FAM181B: variants seen among roughly 807,000 people sequenced by gnomAD.
FAM181B encodes family with sequence similarity 181 member B, also known as protein FAM181B.
Under a neutral mutation model 17.8 loss-of-function variants are expected in FAM181B, and 13 were observed. That is an observed-to-expected ratio of 0.73 (90% CI 0.48 to 1.16). The LOEUF (loss-of-function observed/expected upper bound fraction) is 1.16. Ranked by LOEUF, FAM181B falls within the 50% of genes most tolerant of loss-of-function variation. The pLI is 0.00. For synonymous variants in FAM181B, 338 were observed against 316.5 expected (o/e 1.07, Z -0.72); for missense variants, 725 against 634.1 (o/e 1.14, Z -1.54).
Position 82,732,429 on chromosome 11 carries a change from A to C in FAM181B, c.*20T>G, listed in dbSNP as rs778359483. On this transcript the variant is annotated 3_prime_UTR_variant, in exon 1 of 1. Transcript: ENST00000329203. Reference sequence around the variant, plus strand: ...GCGCTCTCCACAGCCGTCTCTAATGAAGGGAAGCGTGCCTCGAAGTCAGTC... The same window carrying C: ...GCGCTCTCCACAGCCGTCTCTAATGCAGGGAAGCGTGCCTCGAAGTCAGTC... 6.2e-7 allele frequency: 1 copy of C among 1,610,848 alleles called. No individual in the cohort carries two copies. The highest frequency in any genetic ancestry group is 8.5e-7 in the Non-Finnish European group (1 of 1,178,712).
chr11:82,732,369 G>T lies in FAM181B; in HGVS notation c.*80C>A. The T allele has an allele frequency of 1.5e-6, 2 of 1,333,768 alleles. No individual in the cohort carries two copies. Among genetic ancestry groups the T allele is most frequent in the Non-Finnish European group, 2.0e-6 (2 of 979,708 alleles). The allele number at this position is 1,333,768 out of a possible 1,614,324, so 82.6% of individuals were successfully genotyped here. A position where few individuals can be genotyped will look rare whatever the true frequency, so the allele number is the denominator to read the frequency against. ...TCATCTCCACGTGCATTTTCCCATC[G>T]TTCTTCAGATTTAGGAGAAACCCAC... On this transcript the variant is annotated 3_prime_UTR_variant, in exon 1 of 1. Coordinates refer to ENST00000329203, the MANE Select transcript of FAM181B (RefSeq NM_175885.4).
Position 82,733,599 on chromosome 11 carries a change from C to G in FAM181B, c.131G>C (p.Gly44Ala). Residue 44 changes from glycine (G) to alanine (A), a missense_variant, in exon 1 of 1, where the codon GGG (glycine) becomes GCG (alanine). Gly to Ala is a moderately conservative substitution (Grantham distance 60). Transcript: ENST00000329203. ...CGACAGCAGCGCACCCGCCGGAGCC[C>G]CGGTCTCATCGTCCTCGAAACAGCA... ...KGCCFEDDET[G>A]APAGALLSGA... The G allele has an allele frequency of 1.9e-6, 3 of 1,602,894 alleles. No homozygotes were observed. Among genetic ancestry groups the G allele is most frequent in the Non-Finnish European group, 2.5e-6 (3 of 1,178,690 alleles).
In FAM181B at chr11:82,732,576, G is replaced by A. The variant is rs765810867; in HGVS notation, c.1154C>T (p.Pro385Leu). The change falls in exon 1 of 1, where the codon CCG (proline) becomes CTG (leucine). Residue 385 changes from proline (P) to leucine (L), a missense_variant. By Grantham distance (98) the Pro-to-Leu change is moderately conservative. Coordinates refer to ENST00000329203, the MANE Select transcript of FAM181B (RefSeq NM_175885.4). ...PFFPDCALPP[P>L]PPPHQVSYDY... is the part of the protein sequence containing the mutation. Reference sequence around the variant, plus strand: ...GTAGGACACCTGATGGGGCGGCGGCGGCGGGGGCAGGGCGCAGTCTGGAAA... The same window carrying A: ...GTAGGACACCTGATGGGGCGGCGGCAGCGGGGGCAGGGCGCAGTCTGGAAA... 1.2e-6 allele frequency: 2 copies of A among 1,606,532 alleles called. No individual in the cohort carries two copies. Among genetic ancestry groups the A allele is most frequent in the East Asian group, 2.2e-5 (1 of 44,564 alleles).
chr11:82,732,483 C>T lies in FAM181B; in HGVS notation c.1247G>A (p.Gly416Glu), dbSNP rs763737041. 66 of 1,612,962 alleles carry T rather than the reference C, an allele frequency of 4.1e-5. No individual in the cohort carries two copies. The highest frequency in any genetic ancestry group is 5.5e-5 in the Non-Finnish European group (65 of 1,179,992). ...SLWRSDGVWEGAPGEEGAHRD is the reference protein window; with the variant it reads ...SLWRSDGVWEEAPGEEGAHRD ...GTGCGCCCCCTCCTCCCCCGGCGCC[C>T]CTTCCCAAACCCCGTCGGATCTCCA... The change falls in exon 1 of 1, where the codon GGG (glycine) becomes GAG (glutamate). Residue 416 changes from glycine (G) to glutamate (E), a missense_variant. Transcript: ENST00000329203.
In FAM181B at chr11:82,733,076, C is replaced by T; in HGVS notation, c.654G>A (p.Arg218=). The change falls in exon 1 of 1, where the codon AGG becomes AGA. Residue 218 remains arginine (R), a synonymous_variant. Coordinates refer to ENST00000329203, the MANE Select transcript of FAM181B (RefSeq NM_175885.4). The part of the protein sequence containing the change: ...PAGATAIPGA[R]KVPLRARNLP... ...GATTGCGTGCCCGCAGCGGGACCTT[C>T]CTGGCCCCTGGGATCGCCGTGGCCC... The T allele has an allele frequency of 6.6e-7, 1 of 1,512,846 alleles. No individual in the cohort carries two copies. Among genetic ancestry groups the T allele is most frequent in the Non-Finnish European group, 8.8e-7 (1 of 1,141,510 alleles). 93.7% of individuals were successfully genotyped at this position (1,512,846 alleles called of 1,614,324 possible).
chr11:82,733,004 C>CCCG lies in FAM181B; in HGVS notation c.723_725dup (p.Gly242dup), dbSNP rs1591002676. Reference sequence around the variant, plus strand: ...TCACGTCCGGCCCCGACGGGCCACACCCGCCGCCGCCTGCCCGGGACGGCT... The same window carrying CCCG: ...TCACGTCCGGCCCCGACGGGCCACACCCGCCGCCGCCGCCTGCCCGGGACGGCT... On this transcript the variant is annotated inframe_insertion, in exon 1 of 1. Coordinates refer to ENST00000329203, the MANE Select transcript of FAM181B (RefSeq NM_175885.4). The CCCG allele has an allele frequency of 3.9e-6, 6 of 1,548,606 alleles. 1 individual carries two copies. Among genetic ancestry groups the CCCG allele is most frequent in the East Asian group, 5.0e-5 (2 of 39,868 alleles).
At position 82,732,145 on chromosome 11, in the gene FAM181B, G is replaced by GCT; in HGVS notation, c.*302_*303dup. The GCT allele has an allele frequency of 2.3e-6, 1 of 429,304 alleles. No homozygotes were observed. The highest frequency in any genetic ancestry group is 4.1e-6 in the Non-Finnish European group (1 of 243,024). The allele number at this position is 429,304 out of a possible 1,614,324, so 26.6% of individuals were successfully genotyped here. A position where few individuals can be genotyped will look rare whatever the true frequency, so the allele number is the denominator to read the frequency against. On this transcript the variant is annotated 3_prime_UTR_variant, in exon 1 of 1. Transcript: ENST00000329203. ...AAGGGACAGGTGGCTACAGAAGCCAGCTCTTACCCCTTTTGCCGTCCCCAC... is the reference window on the plus strand; with the variant it reads ...AAGGGACAGGTGGCTACAGAAGCCAGCTCTCTTACCCCTTTTGCCGTCCCCAC...
Position 82,733,021 on chromosome 11 carries a change from G to A in FAM181B, c.709C>T (p.Arg237Trp). ...GGGCCACACCCGCCGCCGCCTGCCC[G>A]GGACGGCTCCGTGAAGAAGGACGGA... ...LPPSFFTEPS[R>W]AGGGGCGPSG... The change falls in exon 1 of 1, where the codon CGG (arginine) becomes TGG (tryptophan). Residue 237 changes from arginine (R) to tryptophan (W), a missense_variant. Coordinates refer to ENST00000329203, the MANE Select transcript of FAM181B (RefSeq NM_175885.4). 1.3e-6 allele frequency: 2 copies of A among 1,543,588 alleles called. No homozygotes were observed. The highest frequency in any genetic ancestry group is 2.4e-5 in the South Asian group (2 of 82,900).
Position 82,733,512 on chromosome 11 carries a change from G to C in FAM181B, c.218C>G (p.Ala73Gly). 2 of 1,609,000 alleles carry C rather than the reference G, an allele frequency of 1.2e-6. No individual in the cohort carries two copies. Among genetic ancestry groups the C allele is most frequent in the Non-Finnish European group, 1.7e-6 (2 of 1,178,866 alleles). The change falls in exon 1 of 1, where the codon GCG becomes GGG. Residue 73 changes from alanine (A) to glycine (G), a missense_variant. Physicochemically the swap from Ala to Gly is moderately conservative, Grantham distance 60. Transcript: ENST00000329203. ...TRDLLSFIDS[A>G]SSNIKLALDK... The stretch of plus-strand genomic sequence containing the variant: ...CAGCGCCAGCTTGATGTTGCTGGAC[G>C]CCGAGTCAATGAAGCTGAGTAGATC...
Position 82,732,365 on chromosome 11 carries a change from C to A in FAM181B, c.*84G>T, listed in dbSNP as rs1857140392. On this transcript the variant is annotated 3_prime_UTR_variant, in exon 1 of 1. Transcript: ENST00000329203. ...GGTTTCATCTCCACGTGCATTTTCC[C>A]ATCGTTCTTCAGATTTAGGAGAAAC... The A allele has an allele frequency of 1.5e-6, 2 of 1,303,544 alleles. No individual in the cohort carries two copies. The highest frequency in any genetic ancestry group is 1.4e-5 in the South Asian group (1 of 70,016). The allele number at this position is 1,303,544 out of a possible 1,614,324, so 80.7% of individuals were successfully genotyped here.
chr11:82,733,591 C>A lies in FAM181B; in HGVS notation c.139G>T (p.Ala47Ser), dbSNP rs755336409. ...CFEDDETGAPAGALLSGAEGG... is the reference protein window; with the variant it reads ...CFEDDETGAPSGALLSGAEGG... ...TCGGCTCCCGACAGCAGCGCACCCG[C>A]CGGAGCCCCGGTCTCATCGTCCTCG... is the stretch of plus-strand genomic sequence containing the variant. The change falls in exon 1 of 1, where the codon GCG becomes TCG. Residue 47 changes from alanine (A) to serine (S), a missense_variant. Transcript: ENST00000329203. 2 of 1,602,764 alleles carry A rather than the reference C, an allele frequency of 1.2e-6. No individual in the cohort carries two copies. Among genetic ancestry groups the A allele is most frequent in the Non-Finnish European group, 1.7e-6 (2 of 1,178,642 alleles).
Position 82,733,178 on chromosome 11 carries a change from A to AC in FAM181B, c.551dup (p.Glu185Ter). On this transcript the variant is annotated frameshift_variant, in exon 1 of 1. Coordinates refer to ENST00000329203, the MANE Select transcript of FAM181B (RefSeq NM_175885.4). LOFTEE classifies it high-confidence loss of function. ...GCCCGGCCGCCGGCGCAGCCACCTC[A>AC]CCCCCCGCCGGCTCGGCACCCCCGG... 4 of 1,362,676 alleles carry AC rather than the reference A, an allele frequency of 2.9e-6. No individual in the cohort carries two copies. Among genetic ancestry groups the AC allele is most frequent in the Non-Finnish European group, 2.8e-6 (3 of 1,066,442 alleles). The allele number at this position is 1,362,676 out of a possible 1,614,324, so 84.4% of individuals were successfully genotyped here.
Position 82,732,422 on chromosome 11 carries a change from T to C in FAM181B, c.*27A>G. On this transcript the variant is annotated 3_prime_UTR_variant, in exon 1 of 1. Transcript: ENST00000329203. ...AGGCGCGGCGCTCTCCACAGCCGTC[T>C]CTAATGAAGGGAAGCGTGCCTCGAA... 6.2e-7 allele frequency: 1 copy of C among 1,608,646 alleles called. No homozygotes were observed. Among genetic ancestry groups the C allele is most frequent in the Non-Finnish European group, 8.5e-7 (1 of 1,177,198 alleles).
rs1591001352 is a variant in FAM181B, at chr11:82,730,239, C to T, written c.*2210G>A. 1 of 152,176 alleles carries T rather than the reference C, an allele frequency of 6.6e-6. No individual in the cohort carries two copies. The highest frequency in any genetic ancestry group is 1.9e-4 in the East Asian group (1 of 5,196). 9.4% of individuals were successfully genotyped at this position (152,176 alleles called of 1,614,324 possible). A position where few individuals can be genotyped will look rare whatever the true frequency, so the allele number is the denominator to read the frequency against. On this transcript the variant is annotated 3_prime_UTR_variant, in exon 1 of 1. Coordinates refer to ENST00000329203, the MANE Select transcript of FAM181B (RefSeq NM_175885.4). The stretch of plus-strand genomic sequence containing the variant: ...ATGACATTTGGCTAGGGACACAGAT[C>T]CAAACAGTATCAAGCACCTACATCA...
At position 82,733,592 on chromosome 11, in the gene FAM181B, C is replaced by G. The variant is rs376354005; in HGVS notation, c.138G>C (p.Pro46=). ...CCFEDDETGA[P]AGALLSGAEG... is the part of the protein sequence containing the mutation. Reference sequence around the variant, plus strand: ...CGGCTCCCGACAGCAGCGCACCCGCCGGAGCCCCGGTCTCATCGTCCTCGA... The same window carrying G: ...CGGCTCCCGACAGCAGCGCACCCGCGGGAGCCCCGGTCTCATCGTCCTCGA... Residue 46 remains proline (P), a synonymous_variant, in exon 1 of 1, where the codon CCG becomes CCC. Coordinates refer to ENST00000329203, the MANE Select transcript of FAM181B (RefSeq NM_175885.4). 6.2e-7 allele frequency: 1 copy of G among 1,602,760 alleles called. No homozygotes were observed. Among genetic ancestry groups the G allele is most frequent in the South Asian group, 1.1e-5 (1 of 90,560 alleles).
In FAM181B at chr11:82,732,542, G is replaced by A. The variant is rs1591002197; in HGVS notation, c.1188C>T (p.Ser396=). 6.2e-7 allele frequency: 1 copy of A among 1,611,866 alleles called. No homozygotes were observed. The highest frequency in any genetic ancestry group is 1.3e-5 in the African/African-American group (1 of 75,018). The change falls in exon 1 of 1, where the codon AGC becomes AGT. Residue 396 remains serine (S), a synonymous_variant. Coordinates refer to ENST00000329203, the MANE Select transcript of FAM181B (RefSeq NM_175885.4). ...PPPHQVSYDY[S]AGYSRTAYSS... is the part of the protein sequence containing the mutation. ...AATAGGCGGTGCGGCTGTAGCCCGC[G>A]CTGTAATCGTAGGACACCTGATGGG...
rs558643135 is a variant in FAM181B, at chr11:82,733,853, G to C, written c.-124C>G. On this transcript the variant is annotated 5_prime_UTR_variant, in exon 1 of 1. Transcript: ENST00000329203. Reference sequence around the variant, plus strand: ...GCGCAGCCTACTAGTTCCGGGCCTGGCTCGCTGCGCTGCCTCCCGGGGGAG... The same window carrying C: ...GCGCAGCCTACTAGTTCCGGGCCTGCCTCGCTGCGCTGCCTCCCGGGGGAG... 1 of 764,302 alleles carries C rather than the reference G, an allele frequency of 1.3e-6. No homozygotes were observed. The highest frequency in any genetic ancestry group is 4.9e-5 in the East Asian group (1 of 20,612). The allele number at this position is 764,302 out of a possible 1,614,324, so 47.3% of individuals were successfully genotyped here.
chr11:82,730,792 T>C lies in FAM181B; in HGVS notation c.*1657A>G, dbSNP rs1857120291. 6.6e-6 allele frequency: 1 copy of C among 152,268 alleles called. No homozygotes were observed. Among genetic ancestry groups the C allele is most frequent in the African/African-American group, 2.4e-5 (1 of 41,470 alleles). The allele number at this position is 152,268 out of a possible 1,614,324, so 9.4% of individuals were successfully genotyped here. On this transcript the variant is annotated 3_prime_UTR_variant, in exon 1 of 1. Coordinates refer to ENST00000329203, the MANE Select transcript of FAM181B (RefSeq NM_175885.4). ...TATGAAAATATCACAATACTTTTGA[T>C]GTGTGCAAACATGAACCTGGATTTT...
In FAM181B at chr11:82,732,545, G is replaced by A. The variant is rs745940227; in HGVS notation, c.1185C>T (p.Tyr395=). The A allele has an allele frequency of 6.8e-6, 11 of 1,611,706 alleles. No homozygotes were observed. The highest frequency in any genetic ancestry group is 8.5e-6 in the Non-Finnish European group (10 of 1,179,590). ...PPPPHQVSYD[Y]SAGYSRTAYS... ...AGGCGGTGCGGCTGTAGCCCGCGCT[G>A]TAATCGTAGGACACCTGATGGGGCG... The change falls in exon 1 of 1, where the codon TAC becomes TAT. Residue 395 remains tyrosine, a synonymous_variant. Coordinates refer to ENST00000329203, the MANE Select transcript of FAM181B (RefSeq NM_175885.4).
Sources: gnomAD v4.1 joint callset for allele counts on GRCh38, gnomAD v4.1.1 for gene constraint, MANE v1.5 for transcripts, NCBI Gene and HGNC (gene_info 2026-07-23, HGNC 2026-07-21) for gene names.